Variants in LRRC4C observed in about 807,000 individuals in gnomAD.
LRRC4C encodes leucine rich repeat containing 4C, also known as leucine-rich repeat-containing protein 4C.
LRRC4C carries 5 observed loss-of-function variants against 33.6 expected under a neutral mutation model. That is an observed-to-expected ratio of 0.15 (90% CI 0.08 to 0.31). The LOEUF (loss-of-function observed/expected upper bound fraction) is 0.31, where lower values mean the gene tolerates loss of function less well. LRRC4C is among the 10% of genes least tolerant of loss of function. LRRC4C has a pLI of 1.00. For synonymous variants in LRRC4C, 329 were observed against 302.0 expected, an observed-to-expected ratio of 1.09 and a Z score of -0.93; for missense variants, 560 against 796.7, an observed-to-expected ratio of 0.70 and a Z score of 3.58.
chr11:41,067,773 G>A (rs1323543763), intron 1 of LRRC4C, among the ~76,000 whole-genome samples: 10 of 152,162 alleles, frequency 6.6e-5, no homozygotes, highest in South Asian at 4.1e-4. Context: ...ACACAACTAC[G>A]TGGAAATTGA....
At chr11:41,372,363 A>G (rs1016990376) in intron 1 of LRRC4C, among the ~76,000 whole-genome samples, 3 of 152,200 alleles carry the variant, frequency 2.0e-5, no homozygotes, top group Non-Finnish European at 4.4e-5. Context: ...TGAAATAACT[A>G]TTACTTGAGT....
At chr11:41,021,214 A>AGT (rs540703685) in intron 1 of LRRC4C, among the ~76,000 whole-genome samples, 5 of 133,994 alleles carry the variant, frequency 3.7e-5, no homozygotes, top group African/African-American at 1.4e-4. Flanking sequence ...AGAGAGAGAG[A>AGT]GTGTGTGTGT....
chr11:41,034,757 G>A (rs1432378216), intron 1 of LRRC4C, among the ~76,000 whole-genome samples: 2 of 148,284 alleles, frequency 1.3e-5, no homozygotes, highest in Non-Finnish European at 3.0e-5. Context: ...ATTTCATAGT[G>A]GTCAAGTATG....
intron 6 of LRRC4C, among the ~76,000 whole-genome samples, chr11:40,122,210 G>A (rs1024339470): frequency 2.0e-5 from 3 of 151,958 alleles, no homozygotes; most frequent in Non-Finnish European, 4.4e-5. Flanking sequence ...TTTCTACATT[G>A]AAAAACCTTC....
intron 2 of LRRC4C, among the ~76,000 whole-genome samples, chr11:40,879,249 T>A (rs1398076541): frequency 6.6e-6 from 1 of 152,030 alleles, no homozygotes; most frequent in Non-Finnish European, 1.5e-5. Context: ...GGGAAAAAAA[T>A]CATAAGCAGC....
In LRRC4C at chr11:40,226,035, ATTATC is replaced by A. The variant is rs143407323; in HGVS notation, c.-96+15479_-96+15483del. ...CACTATTCAATGCAACTTTACCTGA[ATTATC>A]TTATATAATTCTCCCTAAAACCACA... is the stretch of plus-strand genomic sequence containing the variant. On this transcript the variant is annotated intron_variant, in intron 5 of 6. Transcript: ENST00000528697. Among the ~76,000 whole-genome samples the A allele has an allele frequency of 2.0e-3, 306 of 152,298 alleles. 2 individuals carry two copies. The highest frequency in any genetic ancestry group is 7.1e-3 in the African/African-American group (296 of 41,560).
chr11:40,800,831 A>G (rs1298454048), intron 2 of LRRC4C, among the ~76,000 whole-genome samples: 2 of 152,176 alleles, frequency 1.3e-5, no homozygotes, highest in Non-Finnish European at 2.9e-5. Flanking sequence ...AATATAATAC[A>G]AGCTATTCTG....
intron 1 of LRRC4C, among the ~76,000 whole-genome samples, chr11:41,141,259 A>T (rs2135908634): frequency 6.6e-6 from 1 of 152,174 alleles, no homozygotes; most frequent in Middle Eastern, 3.4e-3. Context: ...CCACCACCAC[A>T]CAAAATTTCC....
intron 1 of LRRC4C, among the ~76,000 whole-genome samples, chr11:41,382,281 C>T (rs1240267541): frequency 1.3e-5 from 2 of 151,902 alleles, no homozygotes; most frequent in East Asian, 3.9e-4. Context: ...ACAATCAAAA[C>T]TTAAGAAAAA....
intron 5 of LRRC4C, among the ~76,000 whole-genome samples, chr11:40,153,451 AC>A: frequency 6.6e-6 from 1 of 152,324 alleles, no homozygotes; most frequent in East Asian, 1.9e-4. Context: ...TCCCTGATTT[AC>A]CTGAAAAGGA....
In LRRC4C at chr11:40,668,070, T is replaced by C. The variant is rs138827638; in HGVS notation, c.-406-19792A>G. ...AGGTCAGGCCCCCACTGTGAATAAATTGAATAATCAGAATTTGGAGAGATG... is the reference window on the plus strand; with the variant it reads ...AGGTCAGGCCCCCACTGTGAATAAACTGAATAATCAGAATTTGGAGAGATG... On this transcript the variant is annotated intron_variant, in intron 2 of 6. Coordinates refer to ENST00000528697, the MANE Select transcript of LRRC4C (RefSeq NM_001258419.2). 3.1e-3 allele frequency among the ~76,000 whole-genome samples: 469 copies of C among 152,304 alleles called. 3 individuals carry two copies. Among genetic ancestry groups the C allele is most frequent in the Middle Eastern group, 0.01 (3 of 294 alleles).
chr11:41,059,210 G>GTTGTTTTT (rs71060994), intron 1 of LRRC4C, among the ~76,000 whole-genome samples: 47,664 of 125,186 alleles, frequency 0.38, 9,714 homozygotes, highest in South Asian at 0.51. Context: ...TAAAATAAAA[G>GTTGTTTTT]TTTTTTTTTT....
Position 40,260,614 on chromosome 11 carries a change from G to A in LRRC4C, c.-175-19016C>T, listed in dbSNP as rs193245371. 1.9e-3 allele frequency among the ~76,000 whole-genome samples: 295 copies of A among 151,954 alleles called. 1 individual carries two copies. Among genetic ancestry groups the A allele is most frequent in the Non-Finnish European group, 1.6e-3 (106 of 67,956 alleles). ...TGTCCCGTTTACCACTTAGGTGCAA[G>A]AACTATAAAATTAAAAGCTCCCGTC... On this transcript the variant is annotated intron_variant, in intron 4 of 6. Transcript: ENST00000528697.
At chr11:40,497,925 A>G (rs1954551297) in intron 3 of LRRC4C, among the ~76,000 whole-genome samples, 3 of 152,228 alleles carry the variant, frequency 2.0e-5, no homozygotes, top group Admixed American at 6.5e-5. Context: ...TTTTGCATTT[A>G]TAGACCAGTA....
chr11:40,135,464 A>C (rs1409220167), intron 6 of LRRC4C, among the ~76,000 whole-genome samples: 1 of 152,162 alleles, frequency 6.6e-6, no homozygotes, highest in Non-Finnish European at 1.5e-5. Context: ...ATTTTTCTGT[A>C]TTCACTTTGC....
chr11:40,542,129 T>C (rs1345174498), intron 3 of LRRC4C, among the ~76,000 whole-genome samples: 1 of 151,882 alleles, frequency 6.6e-6, no homozygotes, highest in Non-Finnish European at 1.5e-5. Context: ...TTTATATGAC[T>C]GCCATAACAC....
At chr11:40,131,136 T>TA (rs1856618805) in intron 6 of LRRC4C, among the ~76,000 whole-genome samples, 1 of 152,208 alleles carries the variant, frequency 6.6e-6, no homozygotes. Context: ...TGAATTGAAT[T>TA]ACGGAAATGT....
chr11:40,287,612 A>C (rs1307868235), intron 4 of LRRC4C, among the ~76,000 whole-genome samples: 1 of 152,200 alleles, frequency 6.6e-6, no homozygotes, highest in Admixed American at 6.5e-5. Context: ...ATATTTCTCC[A>C]CAAAAATTAT....
At chr11:41,154,231 T>TA (rs1483157416) in intron 1 of LRRC4C, among the ~76,000 whole-genome samples, 2 of 152,146 alleles carry the variant, frequency 1.3e-5, no homozygotes, top group Admixed American at 1.3e-4. Flanking sequence ...CTACAGTACT[T>TA]ATTGGATACT....
Sources: gnomAD v4.1 joint callset for allele counts (sites outside exome capture counted in the v4.1 genomes callset) on GRCh38, gnomAD v4.1.1 for gene constraint, MANE v1.5 for transcripts, NCBI Gene and HGNC (gene_info 2026-07-23, HGNC 2026-07-21) for gene names.